Variants in DPF3 observed in about 807,000 individuals in gnomAD.
DPF3 encodes double PHD fingers 3.
In DPF3, 18 loss-of-function variants were observed where a neutral mutation model predicts 56.8. That is an observed-to-expected ratio of 0.32 (90% confidence interval 0.22 to 0.47). The LOEUF is 0.47. DPF3 is among the 20% of genes least tolerant of loss of function. DPF3 has a pLI of 1.00. For synonymous variants in DPF3, 188 were observed against 180.2 expected (o/e 1.04, Z -0.35); for missense variants, 403 against 488.8 (o/e 0.82, Z 1.65).
chr14:72,675,069 G>A (rs1886850678), intron 7 of DPF3, among the ~76,000 whole-genome samples: 1 of 152,158 alleles, frequency 6.6e-6, no homozygotes, highest in Non-Finnish European at 1.5e-5. Flanking sequence ...TGCCAGAGAT[G>A]GATTAAACGG....
intron 7 of DPF3, among the ~76,000 whole-genome samples, chr14:72,690,564 A>G (rs558145474): frequency 3.3e-5 from 5 of 151,578 alleles, no homozygotes; most frequent in Non-Finnish European, 7.4e-5. Flanking sequence ...ATGCACGCAC[A>G]CACACAACGT....
In DPF3 at chr14:72,614,104, G is replaced by T. The variant is rs1278563909; in HGVS notation, c.*5193C>A. On this transcript the variant is annotated 3_prime_UTR_variant, in exon 11 of 11. Transcript: ENST00000556509. ...CTTGAACCAACCCATCTGTCCCATT[G>T]TTTCCACACTCAGGGCTGGTGGCCG... is the stretch of plus-strand genomic sequence containing the variant. 1.3e-5 allele frequency among the ~76,000 whole-genome samples: 2 copies of T among 152,178 alleles called. No individual in the cohort carries two copies. The highest frequency in any genetic ancestry group is 2.9e-5 in the Non-Finnish European group (2 of 68,024).
rs141925743 is a variant in DPF3 at position 72,695,685 on chromosome 14, G to C, written c.605-2472C>G. ...CGTAAAGATGGAAACAACAGATGCT[G>C]GGGACTCCAAAAGGGGGAAGGGAAG... On this transcript the variant is annotated intron_variant, in intron 6 of 10. Transcript: ENST00000556509. 7.4e-4 allele frequency among the ~76,000 whole-genome samples: 113 copies of C among 152,226 alleles called. 1 individual carries two copies. Among genetic ancestry groups the C allele is most frequent in the African/African-American group, 2.6e-3 (107 of 41,540 alleles).
chr14:72,731,073 C>T (rs977183854), intron 4 of DPF3, among the ~76,000 whole-genome samples: 1 of 152,014 alleles, frequency 6.6e-6, no homozygotes, highest in African/African-American at 2.4e-5. Context: ...GGCTGAGACA[C>T]AAGAATCACT....
chr14:72,649,039 T>G (rs1885815133), intron 8 of DPF3, among the ~76,000 whole-genome samples: 1 of 152,128 alleles, frequency 6.6e-6, no homozygotes, highest in African/African-American at 2.4e-5. Context: ...TGCTGAATCC[T>G]CCTCTTCTCC....
chr14:72,881,498 T>C (rs937776089), intron 1 of DPF3, among the ~76,000 whole-genome samples: 2 of 152,104 alleles, frequency 1.3e-5, no homozygotes, highest in African/African-American at 2.4e-5. Context: ...GACGGCCTTC[T>C]TCGGAATCCA....
intron 1 of DPF3, among the ~76,000 whole-genome samples, chr14:72,826,169 T>C (rs1374317089): frequency 6.6e-6 from 1 of 152,126 alleles, no homozygotes; most frequent in Non-Finnish European, 1.5e-5. Context: ...GCATGTCAGA[T>C]AATAAACCAA....
chr14:72,892,915 A>T (rs1316381934), intron 1 of DPF3, among the ~76,000 whole-genome samples: 2 of 149,640 alleles, frequency 1.3e-5, no homozygotes, highest in African/African-American at 2.5e-5. Context: ...TCGCGAGCGG[A>T]CTTGGCGGCT....
chr14:72,884,971 T>TATATATACATATATA (rs10523148), intron 1 of DPF3, among the ~76,000 whole-genome samples: 4 of 111,684 alleles, frequency 3.6e-5, no homozygotes, highest in Non-Finnish European at 5.6e-5. Flanking sequence ...TATATATATA[T>TATATATACATATATA]TAGCCGGGCG....
At chr14:72,804,180 GACACACACACACAC>G (rs545355128) in intron 1 of DPF3, among the ~76,000 whole-genome samples, 9,934 of 133,222 alleles carry the variant, frequency 0.075, 474 homozygotes, top group Admixed American at 0.16. Flanking sequence ...TGCTTTCCAG[GACACACACACACAC>G]ACACACACAC....
chr14:72,836,585 G>A lies in DPF3; in HGVS notation c.32+57472C>T, dbSNP rs949351855. On this transcript the variant is annotated intron_variant, in intron 1 of 10. Coordinates refer to ENST00000556509, the MANE Select transcript of DPF3 (RefSeq NM_001280542.3). The stretch of plus-strand genomic sequence containing the variant: ...TGTCACTCCTTTTATCAGTCTATCT[G>A]GATGAATTTTTCCCCCTTTTCTCTG... The A allele has an allele frequency of 4.2e-6, 4 of 943,836 alleles. No homozygotes were observed. In the African/African-American group the frequency reaches 7.1e-5, roughly 17 times the overall value. The allele number at this position is 943,836 out of a possible 1,614,324, so 58.5% of individuals were successfully genotyped here.
intron 8 of DPF3, among the ~76,000 whole-genome samples, chr14:72,645,777 C>T (rs1308727355): frequency 6.6e-6 from 1 of 152,078 alleles, no homozygotes; most frequent in African/African-American, 2.4e-5. Flanking sequence ...CATCCCACAC[C>T]CTCAACGCTC....
intron 6 of DPF3, among the ~76,000 whole-genome samples, chr14:72,700,996 G>A (rs1888135094): frequency 6.6e-6 from 1 of 152,176 alleles, no homozygotes; most frequent in Admixed American, 6.5e-5. Flanking sequence ...AGGAAAAGAG[G>A]GTGGGAAAAG....
chr14:72,704,167 T>G (rs73298189), intron 6 of DPF3, among the ~76,000 whole-genome samples: 4,705 of 152,316 alleles, frequency 0.031, 251 homozygotes, highest in African/African-American at 0.11. Flanking sequence ...GCCACCTTCT[T>G]CCAACTGGCA....
At chr14:72,683,004 G>T (rs896455341) in intron 7 of DPF3, among the ~76,000 whole-genome samples, 8 of 152,202 alleles carry the variant, frequency 5.3e-5, no homozygotes, top group Admixed American at 2.6e-4. Flanking sequence ...TTTCTGTAAG[G>T]TAGTGGTTTA....
intron 6 of DPF3, among the ~76,000 whole-genome samples, chr14:72,709,084 A>T (rs917372981): frequency 1.3e-5 from 2 of 152,264 alleles, no homozygotes; most frequent in Non-Finnish European, 2.9e-5. Context: ...AAGAGACTTT[A>T]GAACGGGAAG....
At chr14:72,888,815 A>C (rs1464499632) in intron 1 of DPF3, among the ~76,000 whole-genome samples, 1 of 152,190 alleles carries the variant, frequency 6.6e-6, no homozygotes, top group Non-Finnish European at 1.5e-5. Context: ...TGACTTTCAA[A>C]ACACTCAAAA....
intron 8 of DPF3, among the ~76,000 whole-genome samples, chr14:72,632,064 G>A (rs1221958306): frequency 6.6e-6 from 1 of 152,224 alleles, no homozygotes; most frequent in African/African-American, 2.4e-5. Flanking sequence ...AAGGAAAGGG[G>A]TAAGAGGTAG....
intron 3 of DPF3, among the ~76,000 whole-genome samples, chr14:72,735,136 T>C (rs970697034): frequency 7.9e-5 from 12 of 152,286 alleles, no homozygotes; most frequent in African/African-American, 2.4e-4. Flanking sequence ...TCTGTGGTCC[T>C]TCCTTGAAAA....
Sources: allele counts gnomAD v4.1 joint callset (sites outside exome capture counted in the v4.1 genomes callset), GRCh38; gene constraint gnomAD v4.1.1; transcripts MANE v1.5; gene names NCBI Gene and HGNC (gene_info 2026-07-23, HGNC 2026-07-21).